The following CEP128 variants were observed in gnomAD, a reference collection of about 807,000 sequenced individuals.
The protein encoded by CEP128 is centrosomal protein 128kDa.
A neutral mutation model predicts 156.7 loss-of-function variants in CEP128; 132 were observed. That is an observed-to-expected ratio of 0.84 (90% CI 0.73 to 0.97). CEP128 has a LOEUF of 0.97. Among genes scored for constraint, CEP128 ranks in the 50% least tolerant of loss-of-function variants. CEP128 has a pLI of 0.00. For synonymous variants in CEP128, 469 were observed against 448.9 expected (o/e 1.04, Z -0.57); for missense variants, 1,252 against 1,281.9 (o/e 0.98, Z 0.36).
chr14:80,570,591 A>G (rs1891099976), intron 20 of CEP128, among the ~76,000 whole-genome samples: 1 of 152,204 alleles, frequency 6.6e-6, no homozygotes, highest in Admixed American at 6.5e-5. Context: ...ATTTGACTCA[A>G]AACAGTCTAT....
rs116145713 is a variant in CEP128, at chr14:80,836,279, T to C, written c.983A>G (p.His328Arg). 8.7e-5 allele frequency: 140 copies of C among 1,614,116 alleles called. No homozygotes were observed. In the African/African-American group the frequency reaches 1.5e-3, roughly 17 times the overall value. Reference protein sequence around the residue: ...KAEGDRKGLQHQVSQISKQQS... With the variant: ...KAEGDRKGLQRQVSQISKQQS... ...TTGCTTGGAAATCTGAGATACTTGA[T>C]GCTGTAAACCCTTTCGATCACCTTC... The change falls in exon 12 of 25, where the codon CAT (histidine) becomes CGT (arginine). Residue 328 changes from histidine to arginine, a missense_variant. Transcript: ENST00000555265.
chr14:80,825,427 A>G (rs2140017196), intron 13 of CEP128, among the ~76,000 whole-genome samples: 1 of 152,306 alleles, frequency 6.6e-6, no homozygotes, highest in South Asian at 2.1e-4. Context: ...TTTATATGTA[A>G]AAAACATGAG....
In CEP128 at chr14:80,703,238, AT is replaced by A. The variant is rs1162090248; in HGVS notation, c.2806+39836del. On this transcript the variant is annotated intron_variant, in intron 19 of 24. Transcript: ENST00000555265. ...TGAGGTTGTTAAGAACAAATAAGTT[AT>A]AAAAGGACCCTTCTCAGCTCTAAAA... Among the ~76,000 whole-genome samples the A allele has an allele frequency of 4.6e-5, 7 of 152,112 alleles. No homozygotes were observed. The East Asian group carries it at 9.6e-4, about 21-fold the overall frequency.
intron 19 of CEP128, among the ~76,000 whole-genome samples, chr14:80,592,732 T>C (rs1004924669): frequency 2.6e-5 from 4 of 152,080 alleles, no homozygotes; most frequent in Admixed American, 6.6e-5. Flanking sequence ...CTGAAGAACA[T>C]TGCAAAAATC....
At chr14:80,862,160 C>A in intron 9 of CEP128, among the ~76,000 whole-genome samples, 1 of 152,140 alleles carries the variant, frequency 6.6e-6, no homozygotes, top group South Asian at 2.1e-4. Context: ...CAGACTTTTT[C>A]TGTAAAGGGC....
At chr14:80,787,755 G>A (rs1901488285) in intron 14 of CEP128, among the ~76,000 whole-genome samples, 1 of 152,180 alleles carries the variant, frequency 6.6e-6, no homozygotes, top group Non-Finnish European at 1.5e-5. Context: ...CTTATAGGCA[G>A]TGCTGAGGAT....
chr14:80,693,430 A>C (rs904565278), intron 19 of CEP128, among the ~76,000 whole-genome samples: 1 of 152,194 alleles, frequency 6.6e-6, no homozygotes, highest in Admixed American at 6.5e-5. Context: ...GATTCACAAA[A>C]AATTGACTTT....
intron 13 of CEP128, chr14:80,830,334 G>A: frequency 2.2e-6 from 1 of 462,324 alleles, no homozygotes; most frequent in Non-Finnish European, 3.9e-6. Context: ...TATTTCCTTT[G>A]GGTTATATAA....
chr14:80,856,872 A>T (rs1265904979), intron 9 of CEP128, among the ~76,000 whole-genome samples: 1 of 151,264 alleles, frequency 6.6e-6, no homozygotes, highest in Non-Finnish European at 1.5e-5. Flanking sequence ...CTGGGATTAC[A>T]GGTGTGCACC....
chr14:80,947,424 C>T (rs1379553881), intron 2 of CEP128, among the ~76,000 whole-genome samples: 2 of 152,086 alleles, frequency 1.3e-5, no homozygotes, highest in Non-Finnish European at 2.9e-5. Flanking sequence ...ATATTAAACA[C>T]AAACATTCTC....
intron 2 of CEP128, among the ~76,000 whole-genome samples, chr14:80,920,882 A>G (rs1384963368): frequency 1.3e-5 from 2 of 152,236 alleles, no homozygotes; most frequent in South Asian, 2.1e-4. Flanking sequence ...ATAAGTATCA[A>G]GAAGAGCTTA....
chr14:80,862,197 G>C (rs1376803328), intron 9 of CEP128, among the ~76,000 whole-genome samples: 1 of 152,080 alleles, frequency 6.6e-6, no homozygotes, highest in African/African-American at 2.4e-5. Flanking sequence ...TAAACTCCAT[G>C]GGCCATATAT....
intron 20 of CEP128, among the ~76,000 whole-genome samples, chr14:80,568,845 G>A (rs550108650): frequency 6.6e-6 from 1 of 152,170 alleles, no homozygotes; most frequent in African/African-American, 2.4e-5. Flanking sequence ...TGCACTTCTG[G>A]GAAGCATACA....
intron 21 of CEP128, among the ~76,000 whole-genome samples, chr14:80,546,039 G>A (rs1889969482): frequency 1.3e-5 from 2 of 152,160 alleles, no homozygotes; most frequent in Non-Finnish European, 2.9e-5. Context: ...AATTTTGGAG[G>A]TAAAATTAAC....
At chr14:80,720,757 C>T (rs185627394) in intron 19 of CEP128, among the ~76,000 whole-genome samples, 17 of 152,224 alleles carry the variant, frequency 1.1e-4, no homozygotes, top group Admixed American at 3.3e-4. Flanking sequence ...GTAGCGGAAA[C>T]GAAGTATCTA....
chr14:80,822,644 C>T, intron 13 of CEP128: 1 of 744,188 alleles, frequency 1.3e-6, no homozygotes, highest in East Asian at 2.5e-5. Context: ...AGAACCCAAG[C>T]GTAAAAAGGC....
At chr14:80,508,497 T>G (rs1888091744) in intron 23 of CEP128, among the ~76,000 whole-genome samples, 1 of 152,194 alleles carries the variant, frequency 6.6e-6, no homozygotes, top group Non-Finnish European at 1.5e-5. Context: ...TTATCATTAT[T>G]AGGGTTATAT....
chr14:80,687,733 AATTT>A (rs1219576923), intron 19 of CEP128, among the ~76,000 whole-genome samples: 1 of 152,156 alleles, frequency 6.6e-6, no homozygotes, highest in Non-Finnish European at 1.5e-5. Flanking sequence ...TCTAAAATAA[AATTT>A]AAAAGAAAAA....
At chr14:80,732,222 T>C (rs1445940872) in intron 19 of CEP128, among the ~76,000 whole-genome samples, 1 of 152,114 alleles carries the variant, frequency 6.6e-6, no homozygotes, top group East Asian at 1.9e-4. Context: ...AAGTGGCAAA[T>C]GTCACGGAAT....
Sources: gnomAD v4.1 joint callset for allele counts (sites outside exome capture counted in the v4.1 genomes callset) on GRCh38, gnomAD v4.1.1 for gene constraint, MANE v1.5 for transcripts, NCBI Gene and HGNC (gene_info 2026-07-23, HGNC 2026-07-21) for gene names.